The following ASTN1 variants were observed in gnomAD, a reference collection of about 807,000 sequenced individuals.
ASTN1 encodes the protein astrotactin-1.
In ASTN1, 41 loss-of-function variants were observed where a neutral mutation model predicts 140.7. The observed-to-expected ratio is 0.29, with a 90% confidence interval of 0.23 to 0.38. ASTN1 has a LOEUF of 0.38. ASTN1 is among the 10% of genes least tolerant of loss of function. The probability of loss-of-function intolerance (pLI) is 1.00; values close to 1 mark genes in which losing one functional copy is unlikely to be tolerated. For missense variants in ASTN1, 1,479 were observed against 1,678.8 expected (o/e 0.88, Z 2.08); for synonymous variants, 640 against 652.2 (o/e 0.98, Z 0.29).
intron 7 of ASTN1, among the ~76,000 whole-genome samples, chr1:177,022,450 G>A (rs188631131): frequency 6.6e-6 from 1 of 152,200 alleles, no homozygotes; most frequent in Non-Finnish European, 1.5e-5. Flanking sequence ...ACTACTGTAG[G>A]TGAATGTCTT....
Position 176,861,647 on chromosome 1 carries a change from G to A in ASTN1, c.*2637C>T. Reference sequence around the variant, plus strand: ...GCCTTTTTAACTTGAATGTAAGTAGGAGCCAGTCATAGGAGTTGTGTGCAT... The same window carrying A: ...GCCTTTTTAACTTGAATGTAAGTAGAAGCCAGTCATAGGAGTTGTGTGCAT... On this transcript the variant is annotated 3_prime_UTR_variant, in exon 23 of 23. Transcript: ENST00000361833. 1 of 985,414 alleles carries A rather than the reference G, an allele frequency of 1.0e-6. No homozygotes were observed. Among genetic ancestry groups the A allele is most frequent in the Non-Finnish European group, 1.2e-6 (1 of 829,966 alleles). 61.0% of individuals were successfully genotyped at this position (985,414 alleles called of 1,614,324 possible).
intron 1 of ASTN1, among the ~76,000 whole-genome samples, chr1:177,119,102 C>T (rs963421198): frequency 2.0e-5 from 3 of 152,216 alleles, no homozygotes; most frequent in East Asian, 1.9e-4. Flanking sequence ...CCTCTGTGCT[C>T]GTGAAACACC....
intron 1 of ASTN1, among the ~76,000 whole-genome samples, chr1:177,152,852 A>C (rs1324994750): frequency 1.3e-5 from 2 of 152,168 alleles, no homozygotes; most frequent in East Asian, 3.8e-4. Flanking sequence ...AATAATTAAC[A>C]CAATATGGTA....
intron 1 of ASTN1, among the ~76,000 whole-genome samples, chr1:177,137,859 G>A (rs987574010): frequency 6.6e-6 from 1 of 152,192 alleles, no homozygotes; most frequent in Non-Finnish European, 1.5e-5. Context: ...AACTAAAATA[G>A]CATCCAGTGT....
intron 19 of ASTN1, 57 bp downstream of exon 19, chr1:176,884,280 CTT>C (rs1227805027): frequency 8.3e-6 from 13 of 1,561,916 alleles, no homozygotes; most frequent in East Asian, 6.8e-5. Context: ...GGGCATTTTT[CTT>C]TGTTTTAGTT....
chr1:176,863,151 G>A lies in ASTN1; in HGVS notation c.*1133C>T, dbSNP rs557229215. The A allele has an allele frequency of 1.0e-6, 1 of 985,906 alleles. No homozygotes were observed. Among genetic ancestry groups the A allele is most frequent in the South Asian group, 4.7e-5 (1 of 21,288 alleles). 61.1% of individuals were successfully genotyped at this position (985,906 alleles called of 1,614,324 possible). ...GTGCTTCCCTACACAGAATCCCTGTGACTGGATGGGCAGTGACCATGGTGG... is the reference window on the plus strand; with the variant it reads ...GTGCTTCCCTACACAGAATCCCTGTAACTGGATGGGCAGTGACCATGGTGG... On this transcript the variant is annotated 3_prime_UTR_variant, in exon 23 of 23. Coordinates refer to ENST00000361833, the MANE Select transcript of ASTN1 (RefSeq NM_004319.3).
At chr1:177,097,335 G>T (rs1571778046) in intron 1 of ASTN1, among the ~76,000 whole-genome samples, 1 of 151,996 alleles carries the variant, frequency 6.6e-6, no homozygotes, top group Non-Finnish European at 1.5e-5. Flanking sequence ...TTCAATATAG[G>T]TTCAACCTAA....
At chr1:176,884,679 T>A (rs1668956432) in intron 18 of ASTN1, among the ~76,000 whole-genome samples, 189 bp from the exon 19 acceptor site, 1 of 152,248 alleles carries the variant, frequency 6.6e-6, no homozygotes, top group African/African-American at 2.4e-5. Context: ...GTTTTATGTA[T>A]TAAATGCCTG....
intron 1 of ASTN1, among the ~76,000 whole-genome samples, chr1:177,102,491 C>G (rs1303834076): frequency 2.0e-5 from 3 of 152,130 alleles, no homozygotes; most frequent in African/African-American, 7.2e-5. Flanking sequence ...CATTCCCCAT[C>G]AAGGTAACTT....
Position 176,867,649 on chromosome 1 carries a change from C to T in ASTN1, c.3647+1195G>A, listed in dbSNP as rs79408803. Among the ~76,000 whole-genome samples the T allele has an allele frequency of 3.8e-3, 574 of 152,296 alleles. 6 individuals carry two copies. Among genetic ancestry groups the T allele is most frequent in the African/African-American group, 0.012 (508 of 41,576 alleles). On this transcript the variant is annotated intron_variant, in intron 22 of 22. Coordinates refer to ENST00000361833, the MANE Select transcript of ASTN1 (RefSeq NM_004319.3). The stretch of plus-strand genomic sequence containing the variant: ...GGATTGTAGAAAAACCCTGCCAGAT[C>T]TTACACATAAAATCATTTTATTTCA...
At chr1:177,011,952 G>T (rs1271546162) in intron 8 of ASTN1, among the ~76,000 whole-genome samples, 4 of 152,238 alleles carry the variant, frequency 2.6e-5, no homozygotes, top group East Asian at 1.9e-4. Flanking sequence ...CTTCACTAAA[G>T]AATTTGTTTT....
intron 16 of ASTN1, among the ~76,000 whole-genome samples, chr1:176,929,428 G>A (rs774871242): frequency 1.3e-5 from 2 of 152,152 alleles, no homozygotes; most frequent in Non-Finnish European, 2.9e-5. Flanking sequence ...AATGCAAGTG[G>A]CCTCTAGAAG....
intron 1 of ASTN1, 106 bp downstream of exon 1, chr1:177,164,288 G>A: frequency 9.9e-6 from 12 of 1,214,516 alleles, no homozygotes; most frequent in Admixed American, 2.9e-5. Flanking sequence ...AGGTAGGAGT[G>A]GGGGAGGGGA....
At chr1:177,058,299 G>C (rs1444735876) in intron 2 of ASTN1, among the ~76,000 whole-genome samples, 1 of 152,116 alleles carries the variant, frequency 6.6e-6, no homozygotes. Flanking sequence ...CCACATACAA[G>C]AGGCCAACCC....
intron 8 of ASTN1, among the ~76,000 whole-genome samples, chr1:176,990,718 G>C (rs931607927): frequency 6.6e-5 from 10 of 152,042 alleles, no homozygotes; most frequent in Non-Finnish European, 1.5e-4. Flanking sequence ...TCTCCCCCCA[G>C]ATATTTCCCA....
chr1:177,021,994 T>A (rs537446992), intron 7 of ASTN1, among the ~76,000 whole-genome samples: 2 of 152,282 alleles, frequency 1.3e-5, no homozygotes, highest in South Asian at 4.2e-4. Flanking sequence ...GTAAGCACAG[T>A]CTTAGACTTC....
chr1:176,986,613 G>T (rs1673918440), intron 8 of ASTN1, among the ~76,000 whole-genome samples: 1 of 151,860 alleles, frequency 6.6e-6, no homozygotes, highest in South Asian at 2.1e-4. Context: ...TTGTCACTCA[G>T]TATAGTCTCA....
chr1:176,945,654 G>A (rs760046812), intron 13 of ASTN1, among the ~76,000 whole-genome samples: 4 of 152,150 alleles, frequency 2.6e-5, no homozygotes, highest in Non-Finnish European at 5.9e-5. Context: ...GAGCATTTTC[G>A]TGTGGGCTTC....
intron 14 of ASTN1, among the ~76,000 whole-genome samples, chr1:176,937,549 C>A (rs1005290652): frequency 9.2e-5 from 14 of 152,172 alleles, no homozygotes; most frequent in Admixed American, 5.9e-4. Flanking sequence ...CTAGCCATTA[C>A]TATAAATATA....
Sources: allele counts gnomAD v4.1 joint callset (sites outside exome capture counted in the v4.1 genomes callset), GRCh38; gene constraint gnomAD v4.1.1; transcripts MANE v1.5; gene names NCBI Gene and HGNC (gene_info 2026-07-23, HGNC 2026-07-21).